Variants in EPB41L3 observed in about 807,000 individuals in gnomAD.
The protein encoded by EPB41L3 is erythrocyte membrane protein band 4.1 like 3, also known as band 4.1-like protein 3.
In EPB41L3, 57 loss-of-function variants were observed where a neutral mutation model predicts 127.1. The ratio of observed to expected loss-of-function variants is 0.45; its 90% CI spans 0.36 to 0.56. The LOEUF (loss-of-function observed/expected upper bound fraction) is 0.56, where lower values mean the gene tolerates loss of function less well. Ranked by LOEUF, EPB41L3 falls within the 20% of genes least tolerant of loss-of-function variation. The pLI is 0.00. For missense variants in EPB41L3, 1,273 were observed against 1,372.2 expected (o/e 0.93, Z 1.14); for synonymous variants, 572 against 549.5 (o/e 1.04, Z -0.57).
chr18:5,493,336 T>C (rs2090812625), intron 1 of EPB41L3, among the ~76,000 whole-genome samples: 1 of 152,232 alleles, frequency 6.6e-6, no homozygotes, highest in African/African-American at 2.4e-5. Context: ...AGAAAACGTC[T>C]TCGTACCATT....
chr18:5,573,934 G>A (rs572077765), intron 3 of EPB41L3, among the ~76,000 whole-genome samples: 23 of 147,224 alleles, frequency 1.6e-4, no homozygotes, highest in Admixed American at 1.4e-3. Flanking sequence ...TTTTTGAGAC[G>A]GAATCTGGCT....
At chr18:5,533,066 CAT>C (rs1416292514) in intron 1 of EPB41L3, among the ~76,000 whole-genome samples, 19 of 152,174 alleles carry the variant, frequency 1.2e-4, no homozygotes, top group Admixed American at 9.8e-4. Context: ...GATCTTTTCA[CAT>C]GTCTTGTCTT....
chr18:5,507,531 T>G (rs2092285521), intron 1 of EPB41L3, among the ~76,000 whole-genome samples: 1 of 152,222 alleles, frequency 6.6e-6, no homozygotes, highest in African/African-American at 2.4e-5. Flanking sequence ...TGTGTGAATT[T>G]GAGTAAGTTA....
chr18:5,515,583 C>G (rs528541305), intron 1 of EPB41L3, among the ~76,000 whole-genome samples: 1 of 152,096 alleles, frequency 6.6e-6, no homozygotes, highest in Non-Finnish European at 1.5e-5. Flanking sequence ...GGCACCATCA[C>G]CAGGATTAAC....
chr18:5,510,455 G>A (rs2092455246), intron 1 of EPB41L3, among the ~76,000 whole-genome samples: 1 of 152,196 alleles, frequency 6.6e-6, no homozygotes, highest in Non-Finnish European at 1.5e-5. Context: ...AAACGTGTAG[G>A]AGACTGACAG....
chr18:5,550,584 C>A (rs2149137518), intron 3 of EPB41L3, among the ~76,000 whole-genome samples: 1 of 152,188 alleles, frequency 6.6e-6, no homozygotes, highest in Admixed American at 6.5e-5. Flanking sequence ...CTAATATGGG[C>A]CAGGCTGTTT....
rs749330385 is a variant in EPB41L3, at chr18:5,419,732, C to T, written c.1485G>A (p.Ser495=). ...ATACCTTTCCCTCGTGCCGGATGGC[C>T]GAGATGGGCGTGACTTCTTCCCCCT... ...RRKGEEVTPI[S]AIRHEGKSPG... is the part of the protein sequence containing the mutation. The change falls in exon 12 of 23, where the codon TCG becomes TCA. Residue 495 remains serine, a synonymous_variant. Coordinates refer to ENST00000341928, the MANE Select transcript of EPB41L3 (RefSeq NM_012307.5). 3.0e-5 allele frequency: 49 copies of T among 1,614,028 alleles called. No homozygotes were observed. The South Asian group carries it at 3.3e-4, about 11-fold the overall frequency.
intron 3 of EPB41L3, chr18:5,577,523 T>C: frequency 6.3e-6 from 2 of 317,072 alleles, no homozygotes; most frequent in Middle Eastern, 4.8e-4. Context: ...ATTCTCTCCT[T>C]AAATTCAACA....
At chr18:5,591,790 T>C (rs1034269768) in intron 3 of EPB41L3, among the ~76,000 whole-genome samples, 1 of 152,128 alleles carries the variant, frequency 6.6e-6, no homozygotes, top group African/African-American at 2.4e-5. Context: ...TAAAGTGAAA[T>C]CAACAAAAAC....
At chr18:5,488,054 A>G (rs1051374613) in intron 2 of EPB41L3, among the ~76,000 whole-genome samples, 2 of 152,224 alleles carry the variant, frequency 1.3e-5, no homozygotes, top group African/African-American at 4.8e-5. Context: ...TTTAAGACAA[A>G]AGACATTTAA....
intron 3 of EPB41L3, among the ~76,000 whole-genome samples, chr18:5,475,645 T>C (rs551823456): frequency 1.3e-5 from 2 of 152,380 alleles, no homozygotes; most frequent in East Asian, 3.9e-4. Flanking sequence ...CAAGGCTGAC[T>C]GCCCCTCTCG....
At chr18:5,404,999 T>C (rs1331702658) in intron 16 of EPB41L3, among the ~76,000 whole-genome samples, 1 of 152,238 alleles carries the variant, frequency 6.6e-6, no homozygotes, top group Non-Finnish European at 1.5e-5. Context: ...AACTGAAGTG[T>C]AATGGTACAA....
intron 3 of EPB41L3, among the ~76,000 whole-genome samples, chr18:5,450,029 C>T (rs2082071905): frequency 6.6e-6 from 1 of 152,060 alleles, no homozygotes; most frequent in Admixed American, 6.6e-5. Flanking sequence ...CAGACTGTGA[C>T]TGTGGGTAAG....
At chr18:5,570,681 C>T (rs2094267056) in intron 3 of EPB41L3, 2 of 152,034 alleles carry the variant, frequency 1.3e-5, no homozygotes, top group African/African-American at 2.4e-5. Context: ...TAGACATGTG[C>T]CATGTTGGTG....
intron 3 of EPB41L3, among the ~76,000 whole-genome samples, chr18:5,449,416 T>C (rs2081978988): frequency 1.3e-5 from 2 of 152,226 alleles, no homozygotes; most frequent in South Asian, 4.1e-4. Flanking sequence ...TCAAGACAGT[T>C]TGGCAGTTTC....
intron 1 of EPB41L3, among the ~76,000 whole-genome samples, chr18:5,619,734 TTTTA>T (rs1469487072): frequency 1.3e-4 from 20 of 152,238 alleles, no homozygotes; most frequent in Admixed American, 1.2e-3. Context: ...ATGTATTATT[TTTTA>T]TTTATTTTAA....
At chr18:5,495,680 C>G (rs2091099038) in intron 1 of EPB41L3, among the ~76,000 whole-genome samples, 1 of 152,028 alleles carries the variant, frequency 6.6e-6, no homozygotes, top group Admixed American at 6.5e-5. Flanking sequence ...TCACAGGCTA[C>G]TTCAGAAAGA....
chr18:5,443,761 G>T, intron 5 of EPB41L3, 77 bp downstream of exon 5: 1 of 1,180,292 alleles, frequency 8.5e-7, no homozygotes, highest in Non-Finnish European at 1.2e-6. Context: ...AGCCACTTAG[G>T]TATGGGCTAC....
chr18:5,408,646 GT>G (rs564636469), intron 14 of EPB41L3, among the ~76,000 whole-genome samples: 3,513 of 140,264 alleles, frequency 0.025, 64 homozygotes, highest in South Asian at 0.08. Context: ...AACTAAGAAA[GT>G]TTTTTTTTTT....
Sources: gnomAD v4.1 joint callset for allele counts (sites outside exome capture counted in the v4.1 genomes callset) on GRCh38, gnomAD v4.1.1 for gene constraint, MANE v1.5 for transcripts, NCBI Gene and HGNC (gene_info 2026-07-23, HGNC 2026-07-21) for gene names.